Variants in NDFIP1 observed in about 807,000 individuals in gnomAD.
The protein encoded by NDFIP1 is NEDD4 family-interacting protein 1.
In NDFIP1, 7 loss-of-function variants were observed where a neutral mutation model predicts 28.8. That is an observed-to-expected ratio of 0.24 (90% CI 0.14 to 0.46). NDFIP1 has a LOEUF of 0.46. NDFIP1 is among the 20% of genes least tolerant of loss of function. NDFIP1 has a pLI of 0.99. For synonymous variants in NDFIP1, 92 were observed against 101.0 expected (o/e 0.91, Z 0.53); for missense variants, 194 against 269.1 (o/e 0.72, Z 1.95).
intron 1 of NDFIP1, among the ~76,000 whole-genome samples, chr5:142,124,383 A>G (rs1757149867): frequency 6.6e-6 from 1 of 152,220 alleles, no homozygotes; most frequent in Admixed American, 6.5e-5. Flanking sequence ...CTATGTAAAG[A>G]ATAGGAAGAT....
chr5:142,147,121 C>G (rs537745236), intron 7 of NDFIP1, among the ~76,000 whole-genome samples: 13 of 151,990 alleles, frequency 8.6e-5, no homozygotes, highest in Non-Finnish European at 1.3e-4. Context: ...ACTGTGATAC[C>G]CTGGTTTATT....
intron 1 of NDFIP1, among the ~76,000 whole-genome samples, chr5:142,123,819 G>A (rs1427110928): frequency 1.3e-5 from 2 of 151,934 alleles, no homozygotes; most frequent in East Asian, 3.9e-4. Context: ...TCTTTCTCTA[G>A]GGCTTTAAAT....
chr5:142,132,996 C>G (rs952703608), intron 3 of NDFIP1, among the ~76,000 whole-genome samples: 1 of 152,246 alleles, frequency 6.6e-6, no homozygotes, highest in Non-Finnish European at 1.5e-5. Flanking sequence ...AGAATGGAAG[C>G]AGGATAAGTC....
intron 1 of NDFIP1, among the ~76,000 whole-genome samples, chr5:142,129,090 G>A (rs55976518): frequency 6.6e-6 from 1 of 151,838 alleles, no homozygotes; most frequent in African/African-American, 2.4e-5. Flanking sequence ...AATATAAAAC[G>A]GGTTAAGTAT....
chr5:142,108,787 C>T lies in NDFIP1; in HGVS notation c.-188C>T, dbSNP rs1272794701. The T allele has an allele frequency of 3.9e-5, 17 of 433,902 alleles. No individual in the cohort carries two copies. Among genetic ancestry groups the T allele is most frequent in the Non-Finnish European group, 5.1e-5 (13 of 253,100 alleles). 26.9% of individuals were successfully genotyped at this position (433,902 alleles called of 1,614,324 possible). Reference sequence around the variant, plus strand: ...GTCCCCGCCTCTTCCCCAGGGGCCGCGTCGGAGCCTCGGCGGCGGCGGCGG... The same window carrying T: ...GTCCCCGCCTCTTCCCCAGGGGCCGTGTCGGAGCCTCGGCGGCGGCGGCGG... On this transcript the variant is annotated 5_prime_UTR_variant, in exon 1 of 8. Transcript: ENST00000253814.
Position 142,124,139 on chromosome 5 carries a change from A to G in NDFIP1, c.64-7669A>G, listed in dbSNP as rs184129514. ...CAAGCTGGGTGCCAGAAAACAGAGG[A>G]TTATTTGCTTGATAATATCTTGGTG... On this transcript the variant is annotated intron_variant, in intron 1 of 7. Coordinates refer to ENST00000253814, the MANE Select transcript of NDFIP1 (RefSeq NM_030571.4). 2.8e-3 allele frequency among the ~76,000 whole-genome samples: 432 copies of G among 152,206 alleles called. 2 individuals are homozygous for G. Among genetic ancestry groups the G allele is most frequent in the African/African-American group, 1.0e-2 (414 of 41,512 alleles).
chr5:142,136,492 T>C (rs1317273009), intron 4 of NDFIP1, among the ~76,000 whole-genome samples: 5 of 152,136 alleles, frequency 3.3e-5, no homozygotes, highest in Non-Finnish European at 5.9e-5. Context: ...TGGTGGCTCA[T>C]GCCTATAATC....
chr5:142,126,974 G>C (rs1757174379), intron 1 of NDFIP1, among the ~76,000 whole-genome samples: 1 of 132,504 alleles, frequency 7.5e-6, no homozygotes, highest in African/African-American at 3.0e-5. Context: ...AGATACAGAG[G>C]AAGGTGATAA....
At chr5:142,125,764 C>G (rs1757164212) in intron 1 of NDFIP1, among the ~76,000 whole-genome samples, 1 of 152,210 alleles carries the variant, frequency 6.6e-6, no homozygotes, top group Admixed American at 6.5e-5. Context: ...TCCACATACT[C>G]AGCACTTGTT....
chr5:142,123,423 C>T (rs537072532), intron 1 of NDFIP1, among the ~76,000 whole-genome samples: 7 of 152,268 alleles, frequency 4.6e-5, no homozygotes, highest in South Asian at 2.1e-4. Context: ...TGAGATCCAC[C>T]ATGTCCAGCC....
chr5:142,150,808 A>G (rs1757439500), intron 7 of NDFIP1, among the ~76,000 whole-genome samples: 1 of 152,158 alleles, frequency 6.6e-6, no homozygotes, highest in Non-Finnish European at 1.5e-5. Flanking sequence ...TAGAAAAGTA[A>G]GTTATAGGCC....
At chr5:142,111,475 C>T (rs1025875102) in intron 1 of NDFIP1, among the ~76,000 whole-genome samples, 1 of 151,894 alleles carries the variant, frequency 6.6e-6, no homozygotes, top group African/African-American at 2.4e-5. Flanking sequence ...AAATTACTAG[C>T]CATGGAAATG....
chr5:142,131,512 C>T (rs1023849744), intron 1 of NDFIP1, among the ~76,000 whole-genome samples: 8 of 152,090 alleles, frequency 5.3e-5, no homozygotes, highest in Admixed American at 5.2e-4. Context: ...TTTTAATGGC[C>T]GTTTAGTAGT....
intron 1 of NDFIP1, among the ~76,000 whole-genome samples, chr5:142,126,086 T>C (rs1757167855): frequency 6.6e-6 from 1 of 152,214 alleles, no homozygotes; most frequent in African/African-American, 2.4e-5. Context: ...AGAGTTTATA[T>C]TTACAATATA....
rs547655334 is a variant in NDFIP1, at chr5:142,140,693, CTTG to C, written c.562+66_562+68del. ...ACATTAAATTTTATAAGTAAAATTA[CTTG>C]TAGTAAATGTTCATCTTGATTACTG... On this transcript the variant is annotated intron_variant, in intron 6 of 7. Coordinates refer to ENST00000253814, the MANE Select transcript of NDFIP1 (RefSeq NM_030571.4). The C allele has an allele frequency of 3.8e-5, 49 of 1,306,478 alleles. 1 individual carries two copies. In the African/African-American group the frequency reaches 7.1e-4, roughly 19 times the overall value. The allele number at this position is 1,306,478 out of a possible 1,614,324, so 80.9% of individuals were successfully genotyped here. A position where few individuals can be genotyped will look rare whatever the true frequency, so the allele number is the denominator to read the frequency against.
intron 1 of NDFIP1, among the ~76,000 whole-genome samples, chr5:142,110,252 C>G (rs1756999324): frequency 6.6e-6 from 1 of 152,154 alleles, no homozygotes; most frequent in Non-Finnish European, 1.5e-5. Context: ...GCAGTTAATC[C>G]TTAGATCTCT....
In NDFIP1 at chr5:142,108,820, A is replaced by G. The variant is rs1479784052; in HGVS notation, c.-155A>G. 2 of 549,532 alleles carry G rather than the reference A, an allele frequency of 3.6e-6. No individual in the cohort carries two copies. Among genetic ancestry groups the G allele is most frequent in the South Asian group, 4.1e-5 (1 of 24,234 alleles). 34.0% of individuals were successfully genotyped at this position (549,532 alleles called of 1,614,324 possible). A position where few individuals can be genotyped will look rare whatever the true frequency, so the allele number is the denominator to read the frequency against. On this transcript the variant is annotated 5_prime_UTR_variant, in exon 1 of 8. Transcript: ENST00000253814. ...CCTCGGCGGCGGCGGCGGTGCTTAC[A>G]GCCTGAGAAGAGCGTCTCGCCCGGG...
At chr5:142,139,905 C>T (rs974154607) in intron 5 of NDFIP1, among the ~76,000 whole-genome samples, 15 of 151,904 alleles carry the variant, frequency 9.9e-5, no homozygotes, top group Admixed American at 3.9e-4. Flanking sequence ...CAAAGTAAAA[C>T]GATCATTATT....
At position 142,121,669 on chromosome 5, in the gene NDFIP1, T is replaced by C. The variant is rs868051519; in HGVS notation, c.64-10139T>C. ...GTACTGATGGGGATACCATACCTGCTGTTCTCCTCTCCTGAAACCATCATC... is the reference window on the plus strand; with the variant it reads ...GTACTGATGGGGATACCATACCTGCCGTTCTCCTCTCCTGAAACCATCATC... On this transcript the variant is annotated intron_variant, in intron 1 of 7. Transcript: ENST00000253814. 1.2e-4 allele frequency among the ~76,000 whole-genome samples: 18 copies of C among 152,358 alleles called. No homozygotes were observed. In the South Asian group the frequency reaches 2.5e-3, roughly 21 times the overall value.
Sources: gnomAD v4.1 joint callset for allele counts (sites outside exome capture counted in the v4.1 genomes callset) on GRCh38, gnomAD v4.1.1 for gene constraint, MANE v1.5 for transcripts, NCBI Gene and HGNC (gene_info 2026-07-23, HGNC 2026-07-21) for gene names.